DCP1A: variants seen among roughly 807,000 people sequenced by gnomAD.
DCP1A encodes the protein mRNA-decapping enzyme 1A.
DCP1A carries 20 observed loss-of-function variants against 58.0 expected under a neutral mutation model. The observed-to-expected ratio is 0.34, with a 90% CI of 0.24 to 0.50. DCP1A has a LOEUF of 0.50. Among genes scored for constraint, DCP1A ranks in the 20% least tolerant of loss-of-function variants. The pLI is 0.98. For synonymous variants in DCP1A, 285 were observed against 275.1 expected (o/e 1.04, Z -0.36); for missense variants, 613 against 712.2 (o/e 0.86, Z 1.59).
At chr3:53,328,533 A>G (rs73082274) in intron 3 of DCP1A, among the ~76,000 whole-genome samples, 1 of 151,940 alleles carries the variant, frequency 6.6e-6, no homozygotes, top group African/African-American at 2.4e-5. Flanking sequence ...AAAAAAAAAA[A>G]GATAAAAAGT....
chr3:53,311,321 C>T (rs1028816037), intron 5 of DCP1A, among the ~76,000 whole-genome samples: 15 of 152,154 alleles, frequency 9.9e-5, no homozygotes, highest in Admixed American at 6.5e-4. Flanking sequence ...TATAATTCTG[C>T]TAAAACAAAG....
Position 53,316,598 on chromosome 3 carries a change from T to G in DCP1A, c.371+2809A>C, listed in dbSNP as rs1553689270. 8.3e-4 allele frequency among the ~76,000 whole-genome samples: 8 copies of G among 9,678 alleles called. No homozygotes were observed. In the Admixed American group the frequency reaches 0.01, roughly 13 times the overall value. 6.3% of individuals were successfully genotyped at this position (9,678 alleles called of 152,430 possible). On this transcript the variant is annotated intron_variant, in intron 4 of 9. Transcript: ENST00000610213. ...TAATCACTTTCTTTTCTTCTTCCCT[T>G]TTTTTTTTTTTTTTTTTTTTAATTA...
Position 53,331,250 on chromosome 3 carries a change from T to C in DCP1A, c.304+10894A>G, listed in dbSNP as rs537296935. Among the ~76,000 whole-genome samples the C allele has an allele frequency of 1.5e-4, 23 of 152,302 alleles. No homozygotes were observed. The South Asian group carries it at 4.8e-3, about 32-fold the overall frequency. On this transcript the variant is annotated intron_variant, in intron 3 of 9. Transcript: ENST00000610213. ...CTGATGGTACCACAAACCTATATTA[T>C]TAATACTTTCAATTAACCAGGTTAT...
chr3:53,313,479 T>C (rs1290911325), intron 4 of DCP1A, among the ~76,000 whole-genome samples: 1 of 152,132 alleles, frequency 6.6e-6, no homozygotes, highest in Non-Finnish European at 1.5e-5. Context: ...CCTTCTCCCT[T>C]GTAAAGAAAG....
chr3:53,289,842 T>A (rs567016745), intron 8 of DCP1A, among the ~76,000 whole-genome samples: 1 of 152,226 alleles, frequency 6.6e-6, no homozygotes, highest in African/African-American at 2.4e-5. Flanking sequence ...CTTTCTCTTA[T>A]ATGTCACCTC....
chr3:53,296,100 C>T lies in DCP1A; in HGVS notation c.625-3273G>A, dbSNP rs143083149. 4.6e-5 allele frequency among the ~76,000 whole-genome samples: 7 copies of T among 152,208 alleles called. No individual in the cohort carries two copies. In the East Asian group the frequency reaches 9.7e-4, roughly 21 times the overall value. ...TAGAGACAGGATTCACCATGTTGCC[C>T]GGGCTGGTCTCAAACTTCTTCTGAC... On this transcript the variant is annotated intron_variant, in intron 6 of 9. Coordinates refer to ENST00000610213, the MANE Select transcript of DCP1A (RefSeq NM_018403.7).
At chr3:53,316,136 G>C (rs1470553271) in intron 4 of DCP1A, among the ~76,000 whole-genome samples, 1 of 152,148 alleles carries the variant, frequency 6.6e-6, no homozygotes, top group Non-Finnish European at 1.5e-5. Flanking sequence ...GTATTTAAAA[G>C]AATGGGCACT....
chr3:53,287,650 C>T lies in DCP1A; in HGVS notation c.1679G>A (p.Ser560Asn). Residue 560 changes from serine to asparagine, a missense_variant, in exon 10 of 10, where the codon AGC becomes AAC. Physicochemically the swap from Ser to Asn is conservative, Grantham distance 46. Transcript: ENST00000610213. ...GACTTCATGAAGTGTACTGAGGAAG[C>T]TGGAATCATTCTAGAAGAGATGGTA... is the stretch of plus-strand genomic sequence containing the variant. The part of the protein sequence containing the change: ...TLIHLIKNDS[S>N]FLSTLHEVYL... 1 of 1,610,686 alleles carries T rather than the reference C, an allele frequency of 6.2e-7. No individual in the cohort carries two copies. Among genetic ancestry groups the T allele is most frequent in the Non-Finnish European group, 8.5e-7 (1 of 1,177,032 alleles).
chr3:53,315,744 G>GTTTTTTTTTTTTTTTT (rs797040721), intron 4 of DCP1A, among the ~76,000 whole-genome samples: 2 of 95,416 alleles, frequency 2.1e-5, no homozygotes, highest in Non-Finnish European at 3.8e-5. Flanking sequence ...TCAGTTTGTT[G>GTTTTTTTTTTTTTTTT]TTTTTTTTTT....
rs1553686183 is a variant in DCP1A at position 53,292,386 on chromosome 3, G to A, written c.1066C>T (p.Leu356=). 6 of 1,613,472 alleles carry A rather than the reference G, an allele frequency of 3.7e-6. No individual in the cohort carries two copies. In the African/African-American group the frequency reaches 8.0e-5, roughly 22 times the overall value. Residue 356 remains leucine (L), a synonymous_variant, in exon 7 of 10, where the codon CTG becomes TTG. Coordinates refer to ENST00000610213, the MANE Select transcript of DCP1A (RefSeq NM_018403.7). The part of the protein sequence containing the change: ...KTTPRQRSPL[L]NQPVPELSHA... ...CTTAGCTCAGGGACTGGCTGGTTCAGGAGTGGAGACCTCTGTCTAGGCGTG... is the reference window on the plus strand; with the variant it reads ...CTTAGCTCAGGGACTGGCTGGTTCAAGAGTGGAGACCTCTGTCTAGGCGTG...
At chr3:53,335,586 T>C (rs1376356048) in intron 3 of DCP1A, among the ~76,000 whole-genome samples, 1 of 152,232 alleles carries the variant, frequency 6.6e-6, no homozygotes, top group African/African-American at 2.4e-5. Flanking sequence ...GAAATTCTTA[T>C]CCATCAAATG....
intron 3 of DCP1A, among the ~76,000 whole-genome samples, chr3:53,334,912 G>C (rs192185474): frequency 6.8e-6 from 1 of 146,008 alleles, no homozygotes; most frequent in African/African-American, 2.5e-5. Flanking sequence ...TGAATTATTG[G>C]TTTTTTTTTT....
rs146251338 is a variant in DCP1A, at chr3:53,339,952, C to T, written c.304+2192G>A. On this transcript the variant is annotated intron_variant, in intron 3 of 9. Coordinates refer to ENST00000610213, the MANE Select transcript of DCP1A (RefSeq NM_018403.7). ...CTTTTCATTTTTTGAGTCAGGGTCTCGCTTGTTGCCCAGGCTGGAGTGCAG... is the reference window on the plus strand; with the variant it reads ...CTTTTCATTTTTTGAGTCAGGGTCTTGCTTGTTGCCCAGGCTGGAGTGCAG... 1.4e-3 allele frequency among the ~76,000 whole-genome samples: 208 copies of T among 152,266 alleles called. 8 individuals carry two copies. In the East Asian group the frequency reaches 0.025, roughly 18 times the overall value.
intron 3 of DCP1A, 42 bp downstream of exon 3, chr3:53,342,102 C>G (rs2089215996): frequency 2.6e-6 from 4 of 1,511,754 alleles, no homozygotes; most frequent in Non-Finnish European, 3.6e-6. Context: ...TAAAGTCACT[C>G]AATTTTAAAT....
intron 5 of DCP1A, among the ~76,000 whole-genome samples, chr3:53,308,586 A>AT (rs1219249232): frequency 6.6e-6 from 1 of 151,624 alleles, no homozygotes; most frequent in Non-Finnish European, 1.5e-5. Flanking sequence ...GGCCTATCCT[A>AT]TTTTTTTCTT....
At chr3:53,320,296 A>G (rs1375097320) in intron 3 of DCP1A, among the ~76,000 whole-genome samples, 2 of 152,140 alleles carry the variant, frequency 1.3e-5, no homozygotes, top group African/African-American at 4.8e-5. Context: ...AGTTCAAAGA[A>G]AGCCCTAAAC....
At chr3:53,291,018 A>T (rs1706846501) in intron 7 of DCP1A, among the ~76,000 whole-genome samples, 162 bp from the exon 8 acceptor site, 1 of 152,168 alleles carries the variant, frequency 6.6e-6, no homozygotes, top group Non-Finnish European at 1.5e-5. Context: ...GAAGAGTCTG[A>T]CAGGAACCTG....
intron 3 of DCP1A, among the ~76,000 whole-genome samples, chr3:53,336,849 T>TTG (rs2089125019): frequency 9.8e-5 from 5 of 51,146 alleles, no homozygotes; most frequent in African/African-American, 2.1e-4. Context: ...AGCCCAGATT[T>TTG]ATTTATTTAT....
At chr3:53,333,820 A>T (rs1271638616) in intron 3 of DCP1A, among the ~76,000 whole-genome samples, 6 of 152,170 alleles carry the variant, frequency 3.9e-5, no homozygotes, top group African/African-American at 1.4e-4. Context: ...GGTAACTTTT[A>T]TCCCTAATGA....
Sources: allele counts gnomAD v4.1 joint callset (sites outside exome capture counted in the v4.1 genomes callset), GRCh38; gene constraint gnomAD v4.1.1; transcripts MANE v1.5; gene names NCBI Gene and HGNC (gene_info 2026-07-23, HGNC 2026-07-21).